Variants in PVT1 observed in about 807,000 individuals in gnomAD.
The protein encoded by PVT1 is Pvt1 oncogene, also known as CXCR4/PVT1 fusion.
chr8:128,094,330 TA>T (rs958943950), intron 5 of PVT1, among the ~76,000 whole-genome samples: 2 of 152,188 alleles, frequency 1.3e-5, no homozygotes, highest in Admixed American at 1.3e-4. Flanking sequence ...GATGTTTAAA[TA>T]AAAAAATCAC....
chr8:128,090,629 T>A (rs1814339078), intron 5 of PVT1, among the ~76,000 whole-genome samples: 1 of 151,886 alleles, frequency 6.6e-6, no homozygotes, highest in Non-Finnish European at 1.5e-5. Flanking sequence ...TTCTGGGAGG[T>A]GGCAGGGGCT....
chr8:128,033,754 G>A (rs1345125701), intron 4 of PVT1, among the ~76,000 whole-genome samples: 1 of 152,238 alleles, frequency 6.6e-6, no homozygotes, highest in Non-Finnish European at 1.5e-5. Flanking sequence ...TCCTCCTTGT[G>A]TAGTTGGAGC....
intron 3 of PVT1, among the ~76,000 whole-genome samples, chr8:127,989,006 A>G (rs1247287047): frequency 1.3e-5 from 2 of 152,208 alleles, no homozygotes; most frequent in African/African-American, 4.8e-5. Flanking sequence ...CTTGCCACAT[A>G]AGCATTGCTC....
At chr8:128,059,097 G>A (rs1813798798) in intron 4 of PVT1, among the ~76,000 whole-genome samples, 1 of 152,154 alleles carries the variant, frequency 6.6e-6, no homozygotes, top group African/African-American at 2.4e-5. Flanking sequence ...CCGGTGGCCA[G>A]CACATATTTT....
intron 4 of PVT1, among the ~76,000 whole-genome samples, chr8:128,049,751 A>G (rs978363244): frequency 6.6e-6 from 1 of 152,144 alleles, no homozygotes; most frequent in African/African-American, 2.4e-5. Context: ...TGATTCAGGT[A>G]AGGTTTACAC....
intron 5 of PVT1, among the ~76,000 whole-genome samples, chr8:128,074,330 C>A (rs1039075361): frequency 4.6e-5 from 7 of 151,092 alleles, no homozygotes; most frequent in Middle Eastern, 3.4e-3. Context: ...TATGGTGATA[C>A]CCTATCTCTA....
At chr8:128,029,851 C>T (rs1813369055) in intron 4 of PVT1, among the ~76,000 whole-genome samples, 1 of 152,176 alleles carries the variant, frequency 6.6e-6, no homozygotes. Context: ...GCTTGCGCCT[C>T]TAATCCCAGC....
chr8:127,825,464 C>G (rs948965247), intron 2 of PVT1, among the ~76,000 whole-genome samples: 32 of 152,166 alleles, frequency 2.1e-4, no homozygotes, highest in Admixed American at 1.8e-3. Context: ...GCATTTGTCA[C>G]TATTTTTCAC....
chr8:127,980,351 T>G (rs1816869062), intron 3 of PVT1, among the ~76,000 whole-genome samples: 1 of 152,206 alleles, frequency 6.6e-6, no homozygotes, highest in South Asian at 2.1e-4. Context: ...TTACTACCCT[T>G]ACGGAGGTTA....
intron 3 of PVT1, among the ~76,000 whole-genome samples, chr8:127,956,922 C>A (rs903640326): frequency 1.1e-4 from 17 of 152,178 alleles, no homozygotes; most frequent in African/African-American, 4.1e-4. Context: ...AATGGCCTGT[C>A]ATAGGCCTCA....
chr8:127,883,166 A>T (rs184798585), intron 2 of PVT1, among the ~76,000 whole-genome samples: 136 of 148,146 alleles, frequency 9.2e-4, no homozygotes, highest in African/African-American at 3.2e-3. Flanking sequence ...GGAGACACTT[A>T]TTATGGCTCC....
At chr8:127,799,199 T>G (rs151030379) in intron 2 of PVT1, among the ~76,000 whole-genome samples, 67 of 152,152 alleles carry the variant, frequency 4.4e-4, no homozygotes, top group Non-Finnish European at 8.4e-4. Context: ...GTGAAATTCT[T>G]GAGAACAGGG....
chr8:128,098,928 T>G (rs937909293), intron 6 of PVT1, among the ~76,000 whole-genome samples: 1 of 152,224 alleles, frequency 6.6e-6, no homozygotes, highest in Non-Finnish European at 1.5e-5. Context: ...GATCATTGCT[T>G]GCTAACATTT....
chr8:127,826,061 T>G (rs1488345389), intron 2 of PVT1, among the ~76,000 whole-genome samples: 1 of 149,088 alleles, frequency 6.7e-6, no homozygotes, highest in Non-Finnish European at 1.5e-5. Context: ...GGTCTTGTTA[T>G]GTTGCCCAGG....
chr8:127,905,478 G>A (rs1190920635), intron 3 of PVT1, among the ~76,000 whole-genome samples: 4 of 152,212 alleles, frequency 2.6e-5, no homozygotes, highest in South Asian at 4.1e-4. Context: ...CTTATTTTTG[G>A]CATCATTTAA....
chr8:128,052,949 A>G (rs1194462887), intron 4 of PVT1, among the ~76,000 whole-genome samples: 3 of 152,260 alleles, frequency 2.0e-5, no homozygotes, highest in Non-Finnish European at 4.4e-5. Flanking sequence ...CAGTGGCTCC[A>G]GGATTTGTGT....
chr8:127,929,448 T>A (rs1411363883), intron 3 of PVT1, among the ~76,000 whole-genome samples: 1 of 152,176 alleles, frequency 6.6e-6, no homozygotes, highest in Non-Finnish European at 1.5e-5. Context: ...GCTTTGCAAT[T>A]AGGCAAAAGA....
At chr8:127,928,809 C>A (rs1198720532) in intron 3 of PVT1, among the ~76,000 whole-genome samples, 1 of 152,206 alleles carries the variant, frequency 6.6e-6, no homozygotes, top group Non-Finnish European at 1.5e-5. Context: ...TCCGAGGCAG[C>A]CCTCCAAATA....
intron 3 of PVT1, among the ~76,000 whole-genome samples, chr8:127,896,260 G>T (rs944393179): frequency 6.6e-6 from 1 of 152,032 alleles, no homozygotes; most frequent in African/African-American, 2.4e-5. Context: ...TTGGCAGGGG[G>T]TGCTGCATTG....
Sources: allele counts gnomAD v4.1 joint callset (sites outside exome capture counted in the v4.1 genomes callset), GRCh38; gene constraint gnomAD v4.1.1; transcripts MANE v1.5; gene names NCBI Gene and HGNC (gene_info 2026-07-23, HGNC 2026-07-21).